Variants in BOC observed in about 807,000 individuals in gnomAD.
The protein encoded by BOC is BOC cell adhesion associated, oncogene regulated, also known as brother of CDO.
A neutral mutation model predicts 112.0 loss-of-function variants in BOC; 76 were observed. The observed-to-expected ratio is 0.68, with a 90% CI of 0.56 to 0.82. The LOEUF is 0.82. BOC is among the 40% of genes least tolerant of loss of function. The pLI, the probability that BOC is intolerant of heterozygous loss-of-function variation, is 0.00. For missense variants in BOC, 1,309 were observed against 1,511.7 expected (o/e 0.87, Z 2.22); for synonymous variants, 580 against 599.8 (o/e 0.97, Z 0.48).
rs749757705 is a variant in BOC, at chr3:113,286,828, G to C, written c.3314G>C (p.Arg1105Pro). Residue 1105 changes from arginine to proline, a missense_variant, in exon 20 of 20, where the codon CGT (arginine) becomes CCT (proline). Physicochemically the swap from Arg to Pro is moderately radical, Grantham distance 103. Transcript: ENST00000682979. ...CAGCTCTCCCCGGGGCCACTGGTGC[G>C]TGTGTCTTTTGAAACACCACCTCTC... ...GMQLSPGPLV[R>P]VSFETPPLTI 1.2e-6 allele frequency: 2 copies of C among 1,603,224 alleles called. No homozygotes were observed. Among genetic ancestry groups the C allele is most frequent in the African/African-American group, 1.3e-5 (1 of 74,326 alleles).
rs546306276 is a variant in BOC, at chr3:113,223,638, C to T, written c.-82+7364C>T. On this transcript the variant is annotated intron_variant, in intron 2 of 19. Transcript: ENST00000682979. The stretch of plus-strand genomic sequence containing the variant: ...CCTCCCTCCCCCAGCCCCTGGCAAC[C>T]GCTGATCTACTATTGTCTCTCTAGT... Among the ~76,000 whole-genome samples the T allele has an allele frequency of 4.6e-4, 70 of 152,300 alleles. No individual in the cohort carries two copies. The Middle Eastern group carries it at 0.01, about 22-fold the overall frequency.
At chr3:113,225,368 A>G (rs564438794) in intron 2 of BOC, among the ~76,000 whole-genome samples, 2 of 152,342 alleles carry the variant, frequency 1.3e-5, no homozygotes, top group Admixed American at 1.3e-4. Context: ...GACACTGGCC[A>G]GGTATTTCAG....
At chr3:113,252,901 G>A (rs182160373) in intron 4 of BOC, among the ~76,000 whole-genome samples, 4 of 152,284 alleles carry the variant, frequency 2.6e-5, no homozygotes, top group East Asian at 3.9e-4. Context: ...CTTGTTGGGC[G>A]GGGGCTGCTA....
chr3:113,252,211 C>T (rs952891631), intron 4 of BOC, among the ~76,000 whole-genome samples: 3 of 152,280 alleles, frequency 2.0e-5, no homozygotes, highest in South Asian at 2.1e-4. Flanking sequence ...CCTTTCCTGG[C>T]GCCTGAGGTG....
chr3:113,281,110 A>G lies in BOC; in HGVS notation c.2391A>G (p.Gly797=). The change falls in exon 15 of 20, where the codon GGA becomes GGG. Residue 797 remains glycine, a synonymous_variant. Coordinates refer to ENST00000682979, the MANE Select transcript of BOC (RefSeq NM_001378074.1). The stretch of plus-strand genomic sequence containing the variant: ...TTAAGATGCAGTGCTTCAATGAAGG[A>G]GGGGAGAGCGAGTTCAGCAACGTGA... ...YDIKMQCFNE[G]GESEFSNVMI... is the part of the protein sequence containing the mutation. The G allele has an allele frequency of 1.2e-6, 2 of 1,614,116 alleles. No individual in the cohort carries two copies. Among genetic ancestry groups the G allele is most frequent in the Non-Finnish European group, 1.7e-6 (2 of 1,180,004 alleles).
chr3:113,236,601 A>G (rs6783739), intron 2 of BOC, among the ~76,000 whole-genome samples: 59,920 of 151,700 alleles, frequency 0.39, 12,338 homozygotes, highest in East Asian at 0.64. Context: ...CACTCACACA[A>G]TGTATCCATG....
chr3:113,264,605 C>T (rs996077704), intron 4 of BOC, among the ~76,000 whole-genome samples: 2 of 152,186 alleles, frequency 1.3e-5, no homozygotes, highest in African/African-American at 4.8e-5. Flanking sequence ...GCATCTGCCC[C>T]ATCTGATGGC....
intron 4 of BOC, among the ~76,000 whole-genome samples, chr3:113,256,583 A>C (rs1946249084): frequency 6.6e-6 from 1 of 152,148 alleles, no homozygotes; most frequent in African/African-American, 2.4e-5. Flanking sequence ...CAGCTCCCCT[A>C]ACCGCTAATT....
chr3:113,247,128 T>C (rs897796897), intron 2 of BOC, among the ~76,000 whole-genome samples: 5 of 152,134 alleles, frequency 3.3e-5, no homozygotes, highest in African/African-American at 1.2e-4. Flanking sequence ...CCTTCATTAC[T>C]TTATGTTCAT....
chr3:113,270,769 C>A, intron 5 of BOC, 32 bp from the exon 6 acceptor site: 1 of 1,582,222 alleles, frequency 6.3e-7, no homozygotes, highest in Non-Finnish European at 8.6e-7. Flanking sequence ...CTGGACCCAT[C>A]CCATCTTCCC....
intron 4 of BOC, among the ~76,000 whole-genome samples, chr3:113,256,750 CAT>C (rs1227382554): frequency 6.7e-6 from 1 of 148,932 alleles, no homozygotes; most frequent in Non-Finnish European, 1.5e-5. Flanking sequence ...ACCAATAATA[CAT>C]ATATGTGTGT....
chr3:113,233,833 G>A (rs77362374), intron 2 of BOC, among the ~76,000 whole-genome samples: 4,337 of 148,420 alleles, frequency 0.029, 85 homozygotes, highest in Non-Finnish European at 0.047. Flanking sequence ...TGCTTGGAAG[G>A]TCTTATGTCC....
intron 1 of BOC, among the ~76,000 whole-genome samples, chr3:113,214,491 T>C (rs1481509487): frequency 1.3e-5 from 2 of 152,188 alleles, no homozygotes; most frequent in Non-Finnish European, 2.9e-5. Flanking sequence ...ATGTGGGTAA[T>C]GAATTAGGGT....
intron 12 of BOC, 71 bp from the exon 13 acceptor site, chr3:113,279,753 C>A: frequency 6.7e-7 from 1 of 1,486,358 alleles, no homozygotes. Context: ...AGGTCCTGGG[C>A]CTTGAAAGGC....
chr3:113,237,040 G>T (rs1943660638), intron 2 of BOC, among the ~76,000 whole-genome samples: 1 of 152,200 alleles, frequency 6.6e-6, no homozygotes, highest in Admixed American at 6.5e-5. Context: ...CAAGGCTTAT[G>T]GTTCTTCAGT....
chr3:113,282,324 G>A (rs1441066373), intron 15 of BOC, among the ~76,000 whole-genome samples: 1 of 152,150 alleles, frequency 6.6e-6, no homozygotes, highest in East Asian at 1.9e-4. Context: ...TAAAGAGAAG[G>A]GATGGGTTTG....
chr3:113,283,679 G>T, intron 16 of BOC, 47 bp downstream of exon 16: 5 of 1,561,782 alleles, frequency 3.2e-6, no homozygotes. Context: ...TGGGAAATGG[G>T]GGCTCCACTA....
At position 113,268,280 on chromosome 3, in the gene BOC, C is replaced by A. The variant is rs756580578; in HGVS notation, c.377-19C>A. 12 of 1,613,874 alleles carry A rather than the reference C, an allele frequency of 7.4e-6. No individual in the cohort carries two copies. In the South Asian group the frequency reaches 1.3e-4, roughly 18 times the overall value. ...TTGCTCTGCTGTCCTCCAACCAGCA[C>A]CTTCCCTTCTCTTCACAGATCTCCA... On this transcript the variant is annotated intron_variant, in intron 4 of 19. Transcript: ENST00000682979.
Position 113,273,157 on chromosome 3 carries a change from C to T in BOC, c.1050C>T (p.Pro350=), listed in dbSNP as rs777077077. The T allele has an allele frequency of 3.6e-5, 58 of 1,613,930 alleles. No individual in the cohort carries two copies. The highest frequency in any genetic ancestry group is 4.7e-5 in the Non-Finnish European group (55 of 1,179,980). The change falls in exon 8 of 20, where the codon CCC becomes CCT. Residue 350 remains proline (P), a synonymous_variant. Coordinates refer to ENST00000682979, the MANE Select transcript of BOC (RefSeq NM_001378074.1). ...TTACCTGTGAGGTGCGTGGGAACCCCCCGCCCTCCGTGCTGTGGCTGAGGA... is the reference window on the plus strand; with the variant it reads ...TTACCTGTGAGGTGCGTGGGAACCCTCCGCCCTCCGTGCTGTGGCTGAGGA... ...AKLTCEVRGN[P]PPSVLWLRNA...
Sources: allele counts gnomAD v4.1 joint callset (sites outside exome capture counted in the v4.1 genomes callset), GRCh38; gene constraint gnomAD v4.1.1; transcripts MANE v1.5; gene names NCBI Gene and HGNC (gene_info 2026-07-23, HGNC 2026-07-21).